The following RANBP2 variants were observed in gnomAD, a reference collection of about 807,000 sequenced individuals.
RANBP2 encodes RAN binding protein 2.
RANBP2 carries 57 observed loss-of-function variants against 303.6 expected under a neutral mutation model. The ratio of observed to expected loss-of-function variants is 0.19; its 90% CI spans 0.15 to 0.23. RANBP2 has a LOEUF of 0.23. RANBP2 is among the 10% of genes least tolerant of loss of function. The pLI, the probability that RANBP2 is intolerant of heterozygous loss-of-function variation, is 1.00. For synonymous variants in RANBP2, 1,167 were observed against 1,301.5 expected (o/e 0.90, Z 2.23); for missense variants, 3,138 against 3,780.8 (o/e 0.83, Z 4.46).
At chr2:109,615,008 C>T in the RANBP2 span, 2 of 1,544,862 alleles carry the variant, frequency 1.3e-6, no homozygotes, top group Non-Finnish European at 8.7e-7. Flanking sequence ...CGGGGCCCAG[C>T]GAGGACCTGG....
the RANBP2 span, among the ~76,000 whole-genome samples, chr2:108,987,149 A>G: frequency 6.6e-6 from 1 of 152,196 alleles, no homozygotes; most frequent in Non-Finnish European, 1.5e-5. Context: ...CTGTATTTGA[A>G]TTTCAGATTT....
the RANBP2 span, among the ~76,000 whole-genome samples, chr2:109,034,087 G>A: frequency 6.6e-6 from 1 of 150,422 alleles, no homozygotes; most frequent in African/African-American, 2.4e-5. Flanking sequence ...TGGCAAACAT[G>A]GTGAAACCCC....
At chr2:109,688,307 G>A in the RANBP2 span, among the ~76,000 whole-genome samples, 1 of 152,066 alleles carries the variant, frequency 6.6e-6, no homozygotes, top group Non-Finnish European at 1.5e-5. Context: ...GTATAGACTG[G>A]GCCTCGTTCC....
chr2:108,954,875 G>T, the RANBP2 span, among the ~76,000 whole-genome samples: 1 of 151,980 alleles, frequency 6.6e-6, no homozygotes, highest in East Asian at 1.9e-4. Context: ...ATTGAGACGG[G>T]ATTTCACCAC....
chr2:109,694,109 T>A, the RANBP2 span, among the ~76,000 whole-genome samples: 1 of 152,142 alleles, frequency 6.6e-6, no homozygotes, highest in Non-Finnish European at 1.5e-5. Context: ...TGAATTGTAA[T>A]CCCCAATGTT....
At chr2:109,305,636 G>A in the RANBP2 span, among the ~76,000 whole-genome samples, 2 of 152,192 alleles carry the variant, frequency 1.3e-5, no homozygotes, top group Non-Finnish European at 2.9e-5. Context: ...CCTCTTGACT[G>A]TGGGCCTCAT....
chr2:109,606,978 G>A, the RANBP2 span, among the ~76,000 whole-genome samples: 1 of 152,152 alleles, frequency 6.6e-6, no homozygotes, highest in Non-Finnish European at 1.5e-5. Context: ...GAATAGTGAA[G>A]AATTGAAAGG....
the RANBP2 span, among the ~76,000 whole-genome samples, chr2:109,763,320 ATT>A: frequency 6.6e-6 from 1 of 150,502 alleles, no homozygotes; most frequent in African/African-American, 2.4e-5. Context: ...TATTAGTTCC[ATT>A]TTACAGATAG....
chr2:108,723,367 C>T (rs577015607), intron 1 of RANBP2, among the ~76,000 whole-genome samples: 2 of 151,542 alleles, frequency 1.3e-5, no homozygotes, highest in South Asian at 4.2e-4. Flanking sequence ...GCAAACTCTG[C>T]CTCCCGGGTT....
At chr2:109,727,002 C>T in the RANBP2 span, among the ~76,000 whole-genome samples, 1 of 152,174 alleles carries the variant, frequency 6.6e-6, no homozygotes, top group East Asian at 1.9e-4. Context: ...AGATGGAAGC[C>T]CTAACTTCAG....
chr2:109,535,952 G>C, the RANBP2 span, among the ~76,000 whole-genome samples: 1 of 150,520 alleles, frequency 6.6e-6, no homozygotes, highest in East Asian at 2.0e-4. Flanking sequence ...ACTTGCAAGT[G>C]CACAGAAGTC....
chr2:109,681,933 C>G, the RANBP2 span, among the ~76,000 whole-genome samples: 1 of 152,264 alleles, frequency 6.6e-6, no homozygotes, highest in Non-Finnish European at 1.5e-5. Flanking sequence ...ATCTCCCAGA[C>G]TTGCCTGTGT....
rs56408851 is a variant in RANBP2, at chr2:108,731,824, T to C, written c.405+350T>C. On this transcript the variant is annotated intron_variant, in intron 4 of 28. Transcript: ENST00000283195. Reference sequence around the variant, plus strand: ...TACCTACAGGATGACAATTTAGGGATATTTTAAAGAAGTGTTTTCTAATAA... The same window carrying C: ...TACCTACAGGATGACAATTTAGGGACATTTTAAAGAAGTGTTTTCTAATAA... The C allele has an allele frequency of 9.0e-3, 2,066 of 228,556 alleles. 47 individuals are homozygous for C. Among genetic ancestry groups the C allele is most frequent in the African/African-American group, 0.046 (1,965 of 42,582 alleles). 14.2% of individuals were successfully genotyped at this position (228,556 alleles called of 1,614,324 possible).
chr2:108,907,472 C>T, the RANBP2 span, among the ~76,000 whole-genome samples: 1 of 152,018 alleles, frequency 6.6e-6, no homozygotes. Context: ...ACAGTGAAAC[C>T]TCGTCTCTAC....
chr2:109,637,257 A>G, the RANBP2 span, among the ~76,000 whole-genome samples: 1 of 152,214 alleles, frequency 6.6e-6, no homozygotes, highest in Admixed American at 6.5e-5. Context: ...CTCCCACCAT[A>G]GGGCGGTTTT....
At chr2:109,173,615 G>A in the RANBP2 span, among the ~76,000 whole-genome samples, 1 of 152,104 alleles carries the variant, frequency 6.6e-6, no homozygotes, top group East Asian at 1.9e-4. Context: ...AGTGGTTACC[G>A]TCTGGCCCTT....
the RANBP2 span, among the ~76,000 whole-genome samples, chr2:109,099,757 T>A: frequency 8.6e-4 from 131 of 152,326 alleles, no homozygotes; most frequent in Non-Finnish European, 1.4e-3. Context: ...CGTTTTTGCA[T>A]ACTTTTTCTT....
chr2:109,399,052 A>T, the RANBP2 span: 1 of 1,264,924 alleles, frequency 7.9e-7, no homozygotes, highest in Non-Finnish European at 1.1e-6. Flanking sequence ...CCGCCCCAGA[A>T]CTGCCTTTTG....
the RANBP2 span, chr2:108,912,618 T>C: frequency 6.8e-7 from 1 of 1,463,270 alleles, no homozygotes; most frequent in East Asian, 2.5e-5. Flanking sequence ...TCTCCTCTTC[T>C]GAGCTTTCAT....
Sources: gnomAD v4.1 joint callset for allele counts (sites outside exome capture counted in the v4.1 genomes callset) on GRCh38, gnomAD v4.1.1 for gene constraint, MANE v1.5 for transcripts, NCBI Gene and HGNC (gene_info 2026-07-23, HGNC 2026-07-21) for gene names.